The following CADM1 variants were observed in gnomAD, a reference collection of about 807,000 sequenced individuals.
CADM1 encodes the protein cell adhesion molecule 1.
Under a neutral mutation model 53.1 loss-of-function variants are expected in CADM1, and 15 were observed. The ratio of observed to expected loss-of-function variants is 0.28; its 90% CI spans 0.19 to 0.44. The LOEUF is 0.44. Ranked by LOEUF, CADM1 falls within the 20% of genes least tolerant of loss-of-function variation. The pLI is 1.00. For synonymous variants in CADM1, 281 were observed against 243.0 expected (o/e 1.16, Z -1.45); for missense variants, 434 against 611.3 (o/e 0.71, Z 3.06).
intron 1 of CADM1, among the ~76,000 whole-genome samples, chr11:115,327,644 A>C (rs540234210): frequency 1.3e-5 from 2 of 152,260 alleles, no homozygotes; most frequent in East Asian, 3.9e-4. Flanking sequence ...TCATGACTAG[A>C]AGGCAGGAGA....
chr11:115,455,314 A>G (rs1226970986), intron 1 of CADM1, among the ~76,000 whole-genome samples: 1 of 152,004 alleles, frequency 6.6e-6, no homozygotes, highest in African/African-American at 2.4e-5. Flanking sequence ...GGATGTCTTC[A>G]GTGAGTTTTG....
At chr11:115,433,208 C>T (rs1948100663) in intron 1 of CADM1, among the ~76,000 whole-genome samples, 1 of 152,168 alleles carries the variant, frequency 6.6e-6, no homozygotes, top group South Asian at 2.1e-4. Context: ...TCTTCTTCTA[C>T]AAAGCCATGC....
At chr11:115,457,717 A>G (rs971979084) in intron 1 of CADM1, among the ~76,000 whole-genome samples, 3 of 152,158 alleles carry the variant, frequency 2.0e-5, no homozygotes, top group African/African-American at 7.2e-5. Context: ...TTCTGAGCAG[A>G]AAACCAGCCT....
chr11:115,295,992 C>T (rs1238936436), intron 1 of CADM1, among the ~76,000 whole-genome samples: 1 of 152,114 alleles, frequency 6.6e-6, no homozygotes, highest in African/African-American at 2.4e-5. Flanking sequence ...ACTCTGTCAC[C>T]CAAGCTGGAG....
intron 1 of CADM1, among the ~76,000 whole-genome samples, chr11:115,345,125 C>T (rs1181652880): frequency 6.6e-6 from 1 of 152,134 alleles, no homozygotes. Context: ...CCCCTTTGTC[C>T]CACAGCAGGG....
chr11:115,464,937 T>G (rs192390305), intron 1 of CADM1, among the ~76,000 whole-genome samples: 1 of 152,302 alleles, frequency 6.6e-6, no homozygotes, highest in Non-Finnish European at 1.5e-5. Context: ...TCAAGAAATT[T>G]CCAGGAGGCA....
intron 1 of CADM1, among the ~76,000 whole-genome samples, chr11:115,430,576 G>C (rs1029537610): frequency 2.0e-5 from 3 of 152,158 alleles, no homozygotes; most frequent in South Asian, 4.1e-4. Context: ...AAAAACAAAG[G>C]GGTTATCAAA....
At chr11:115,447,626 T>A (rs1428833214) in intron 1 of CADM1, among the ~76,000 whole-genome samples, 2 of 152,314 alleles carry the variant, frequency 1.3e-5, no homozygotes, top group Middle Eastern at 6.8e-3. Context: ...TTCTCTAGCA[T>A]CCATCTCCAG....
chr11:115,490,565 A>G (rs2135426297), intron 1 of CADM1, among the ~76,000 whole-genome samples: 1 of 151,734 alleles, frequency 6.6e-6, no homozygotes, highest in South Asian at 2.1e-4. Context: ...CGCCCGGCTA[A>G]TTTTTGTATT....
intron 1 of CADM1, among the ~76,000 whole-genome samples, chr11:115,280,603 C>A (rs746914740): frequency 1.6e-4 from 24 of 152,154 alleles, no homozygotes; most frequent in Non-Finnish European, 2.6e-4. Context: ...AAAATTACAG[C>A]ACTCTGAATA....
At chr11:115,370,042 A>G (rs552724440) in intron 1 of CADM1, among the ~76,000 whole-genome samples, 1 of 152,276 alleles carries the variant, frequency 6.6e-6, no homozygotes, top group African/African-American at 2.4e-5. Flanking sequence ...CTCTCCTTCA[A>G]GTTGCTCCTG....
intron 3 of CADM1, among the ~76,000 whole-genome samples, chr11:115,236,561 T>C (rs1565316100): frequency 1.3e-5 from 2 of 152,190 alleles, no homozygotes; most frequent in African/African-American, 2.4e-5. Flanking sequence ...ACAGGCATAA[T>C]GCCTCTCAAA....
chr11:115,460,929 C>A (rs1019889398), intron 1 of CADM1, among the ~76,000 whole-genome samples: 1 of 152,094 alleles, frequency 6.6e-6, no homozygotes, highest in African/African-American at 2.4e-5. Flanking sequence ...GGCCTATGAA[C>A]CCATGCTAAT....
chr11:115,273,962 C>G (rs1333969573), intron 1 of CADM1, among the ~76,000 whole-genome samples: 1 of 152,180 alleles, frequency 6.6e-6, no homozygotes, highest in Non-Finnish European at 1.5e-5. Context: ...AAGTTGTGTT[C>G]TCTCCAGAAA....
chr11:115,182,975 T>C (rs577660015), intron 10 of CADM1, among the ~76,000 whole-genome samples: 1 of 152,308 alleles, frequency 6.6e-6, no homozygotes, highest in African/African-American at 2.4e-5. Context: ...TCAACAACCC[T>C]GGGCTCGCTT....
At chr11:115,199,686 A>C (rs1940329513) in intron 8 of CADM1, among the ~76,000 whole-genome samples, 1 of 152,230 alleles carries the variant, frequency 6.6e-6, no homozygotes, top group Non-Finnish European at 1.5e-5. Flanking sequence ...TTTGAGTTCT[A>C]AACTTCCCAG....
intron 1 of CADM1, among the ~76,000 whole-genome samples, chr11:115,305,998 A>G (rs1408029100): frequency 6.6e-6 from 1 of 150,934 alleles, no homozygotes; most frequent in Admixed American, 6.6e-5. Context: ...TTTCCTATAT[A>G]TCAAACCACT....
intron 1 of CADM1, among the ~76,000 whole-genome samples, chr11:115,259,283 G>A (rs1942892106): frequency 8.1e-6 from 1 of 123,604 alleles, no homozygotes; most frequent in Non-Finnish European, 1.6e-5. Flanking sequence ...ACCGCACCCA[G>A]TCTTAACTTT....
intron 11 of CADM1, among the ~76,000 whole-genome samples, chr11:115,178,372 T>C (rs1249418114): frequency 6.6e-6 from 1 of 152,146 alleles, no homozygotes; most frequent in Non-Finnish European, 1.5e-5. Flanking sequence ...CAATTATGGA[T>C]GGCAGAATAA....
Sources: allele counts gnomAD v4.1 joint callset (sites outside exome capture counted in the v4.1 genomes callset), GRCh38; gene constraint gnomAD v4.1.1; transcripts MANE v1.5; gene names NCBI Gene and HGNC (gene_info 2026-07-23, HGNC 2026-07-21).